Variants in SRPK1 observed in about 807,000 individuals in gnomAD.
SRPK1 encodes SRSF protein kinase 1.
Under a neutral mutation model 89.5 loss-of-function variants are expected in SRPK1, and 52 were observed. The observed-to-expected ratio is 0.58, with a 90% CI of 0.46 to 0.73. SRPK1 has a LOEUF of 0.73. Ranked by LOEUF, SRPK1 falls within the 30% of genes least tolerant of loss-of-function variation. SRPK1 has a pLI of 0.00. For synonymous variants in SRPK1, 255 were observed against 270.2 expected (o/e 0.94, Z 0.55); for missense variants, 603 against 780.6 (o/e 0.77, Z 2.71).
chr6:35,915,991 A>AAAAAAT lies in SRPK1; in HGVS notation c.74+4476_74+4477insATTTTT, dbSNP rs1433969114. Among the ~76,000 whole-genome samples, 91 of 86,276 alleles carry AAAAAAT rather than the reference A, an allele frequency of 1.1e-3. 7 individuals are homozygous for AAAAAAT. Among genetic ancestry groups the AAAAAAT allele is most frequent in the African/African-American group, 2.5e-3 (39 of 15,738 alleles). 56.6% of individuals were successfully genotyped at this position (86,276 alleles called of 152,430 possible). A position where few individuals can be genotyped will look rare whatever the true frequency, so the allele number is the denominator to read the frequency against. On this transcript the variant is annotated intron_variant, in intron 2 of 15. Transcript: ENST00000373825. The stretch of plus-strand genomic sequence containing the variant: ...TGTCTCAAAAACAAAAAAAAAAAAA[A>AAAAAAT]ATATATACACACACACACACACACA...
At position 35,874,316 on chromosome 6, in the gene SRPK1, A is replaced by G. The variant is rs781674813; in HGVS notation, c.502T>C (p.Leu168=). 2.2e-5 allele frequency: 35 copies of G among 1,613,076 alleles called. No individual in the cohort carries two copies. The Admixed American group carries it at 4.0e-4, about 18-fold the overall frequency. ...ATCCACTTGAGCAGATGATGCCCCA[A>G]AACTTCAAATACCATGCAGATATCT... The part of the protein sequence containing the change: ...GTHICMVFEV[L]GHHLLKWIIK... Residue 168 remains leucine (L), a synonymous_variant, in exon 7 of 16, where the codon TTG becomes CTG. Transcript: ENST00000373825.
rs1242190894 is a variant in SRPK1 at position 35,834,450 on chromosome 6, T to C, written c.*854A>G. ...TTCTACCATCATCCTGATCCTTTAGTTATGGGGCAATAAACTCAAGTGCAA... is the reference window on the plus strand; with the variant it reads ...TTCTACCATCATCCTGATCCTTTAGCTATGGGGCAATAAACTCAAGTGCAA... On this transcript the variant is annotated 3_prime_UTR_variant, in exon 16 of 16. Coordinates refer to ENST00000373825, the MANE Select transcript of SRPK1 (RefSeq NM_003137.5). The C allele has an allele frequency of 6.6e-6, 1 of 152,178 alleles. No homozygotes were observed. The highest frequency in any genetic ancestry group is 1.5e-5 in the Non-Finnish European group (1 of 68,038). The allele number at this position is 152,178 out of a possible 1,614,324, so 9.4% of individuals were successfully genotyped here.
At chr6:35,912,682 G>A (rs1055139133) in intron 2 of SRPK1, among the ~76,000 whole-genome samples, 1 of 152,126 alleles carries the variant, frequency 6.6e-6, no homozygotes, top group African/African-American at 2.4e-5. Flanking sequence ...TGATAGAGAG[G>A]ATTTGGAGAG....
At chr6:35,916,586 A>C (rs1771108442) in intron 2 of SRPK1, among the ~76,000 whole-genome samples, 1 of 152,010 alleles carries the variant, frequency 6.6e-6, no homozygotes, top group Non-Finnish European at 1.5e-5. Flanking sequence ...CTCCCAAATG[A>C]CTCCACAAAT....
Position 35,913,969 on chromosome 6 carries a change from C to CTTTTTTTTTTTTTTT in SRPK1, c.74+6484_74+6498dup, listed in dbSNP as rs545555860. Reference sequence around the variant, plus strand: ...TGCCGCACAACAAAGGATACTTTCTCTTTTTTTTTTTTTTTTTTTTTTTGA... The same window carrying CTTTTTTTTTTTTTTT: ...TGCCGCACAACAAAGGATACTTTCTCTTTTTTTTTTTTTTTTTTTTTTTTTTTTTTTTTTTTTTGA... On this transcript the variant is annotated intron_variant, in intron 2 of 15. Transcript: ENST00000373825. Among the ~76,000 whole-genome samples, 2 of 92,940 alleles carry CTTTTTTTTTTTTTTT rather than the reference C, an allele frequency of 2.2e-5. 1 individual carries two copies. Among genetic ancestry groups the CTTTTTTTTTTTTTTT allele is most frequent in the Non-Finnish European group, 4.2e-5 (2 of 48,106 alleles). 61.0% of individuals were successfully genotyped at this position (92,940 alleles called of 152,430 possible). A position where few individuals can be genotyped will look rare whatever the true frequency, so the allele number is the denominator to read the frequency against.
rs1305053203 is a variant in SRPK1 at position 35,835,128 on chromosome 6, G to A, written c.*176C>T. ...TTCACCTAGGATGCCCAATGGCTGT[G>A]GGGATCTCCACAGGGTCAAGTAAGC... On this transcript the variant is annotated 3_prime_UTR_variant, in exon 16 of 16. Coordinates refer to ENST00000373825, the MANE Select transcript of SRPK1 (RefSeq NM_003137.5). 2.0e-5 allele frequency: 11 copies of A among 559,692 alleles called. No individual in the cohort carries two copies. The highest frequency in any genetic ancestry group is 3.3e-5 in the Admixed American group (1 of 30,376). 34.7% of individuals were successfully genotyped at this position (559,692 alleles called of 1,614,324 possible).
chr6:35,915,299 C>T (rs772142275), intron 2 of SRPK1, among the ~76,000 whole-genome samples: 4 of 149,022 alleles, frequency 2.7e-5, no homozygotes, highest in Admixed American at 6.8e-5. Flanking sequence ...CCCGGCTACT[C>T]GGGAGGCTGA....
chr6:35,912,054 C>A (rs1770980554), intron 2 of SRPK1, among the ~76,000 whole-genome samples: 1 of 152,114 alleles, frequency 6.6e-6, no homozygotes, highest in Non-Finnish European at 1.5e-5. Context: ...AAGACCATAG[C>A]TGGGTGCAGT....
At chr6:35,836,245 C>A (rs1389966594) in intron 15 of SRPK1, among the ~76,000 whole-genome samples, 1 of 152,032 alleles carries the variant, frequency 6.6e-6, no homozygotes, top group Non-Finnish European at 1.5e-5. Flanking sequence ...AACCTAATGC[C>A]TGACAATCTG....
chr6:35,914,417 C>T (rs1771045286), intron 2 of SRPK1, among the ~76,000 whole-genome samples: 1 of 152,114 alleles, frequency 6.6e-6, no homozygotes, highest in Non-Finnish European at 1.5e-5. Context: ...GTAATATTAC[C>T]TAGTTCTGGT....
chr6:35,866,215 T>A (rs1769899732), intron 12 of SRPK1, among the ~76,000 whole-genome samples: 1 of 151,836 alleles, frequency 6.6e-6, no homozygotes. Context: ...AATAATAACA[T>A]GTTGGAGAGG....
chr6:35,907,267 G>T (rs143543029), intron 2 of SRPK1, among the ~76,000 whole-genome samples: 14 of 152,150 alleles, frequency 9.2e-5, no homozygotes, highest in Admixed American at 8.5e-4. Context: ...AGAAAATTAG[G>T]AAAATTTGAA....
chr6:35,877,842 CAA>C (rs61242263), intron 6 of SRPK1, among the ~76,000 whole-genome samples: 47 of 126,536 alleles, frequency 3.7e-4, no homozygotes, highest in East Asian at 7.4e-4. Flanking sequence ...GACTCCGTCT[CAA>C]AAAAAAAAAA....
chr6:35,843,848 A>AAAGCCTG (rs767451190), intron 13 of SRPK1, among the ~76,000 whole-genome samples: 9 of 152,192 alleles, frequency 5.9e-5, no homozygotes, highest in Non-Finnish European at 1.3e-4. Flanking sequence ...TAGGAAAAGA[A>AAAGCCTG]AAGCCTGTCT....
intron 14 of SRPK1, among the ~76,000 whole-genome samples, chr6:35,839,665 AG>A (rs1769260905): frequency 2.0e-5 from 3 of 148,918 alleles, no homozygotes; most frequent in Admixed American, 6.7e-5. Context: ...TGCAGGTGAC[AG>A]AAGTTAAGAA....
chr6:35,894,508 T>C lies in SRPK1; in HGVS notation c.75-3495A>G, dbSNP rs1032227365. Among the ~76,000 whole-genome samples the C allele has an allele frequency of 3.3e-5, 5 of 152,182 alleles. No individual in the cohort carries two copies. In the East Asian group the frequency reaches 5.8e-4, roughly 18 times the overall value. ...ATAGAGTTGCAGAAAGAGAAACTTA[T>C]GAAAATAGAAGAGATAAAATTATTA... On this transcript the variant is annotated intron_variant, in intron 2 of 15. Transcript: ENST00000373825.
At chr6:35,883,005 C>T (rs1424452226) in intron 6 of SRPK1, among the ~76,000 whole-genome samples, 2 of 152,124 alleles carry the variant, frequency 1.3e-5, no homozygotes, top group African/African-American at 4.8e-5. Context: ...GATGGGGTTT[C>T]GCCATGTTGG....
intron 13 of SRPK1, among the ~76,000 whole-genome samples, chr6:35,852,398 G>A (rs1207122302): frequency 6.6e-6 from 1 of 152,114 alleles, no homozygotes; most frequent in African/African-American, 2.4e-5. Flanking sequence ...TTTGGTGTTT[G>A]TATTACCTCT....
chr6:35,919,112 G>A, intron 2 of SRPK1, among the ~76,000 whole-genome samples: 1 of 152,180 alleles, frequency 6.6e-6, no homozygotes, highest in East Asian at 1.9e-4. Context: ...TTAGCACCTT[G>A]CTGTTTCTAT....
Sources: allele counts gnomAD v4.1 joint callset (sites outside exome capture counted in the v4.1 genomes callset), GRCh38; gene constraint gnomAD v4.1.1; transcripts MANE v1.5; gene names NCBI Gene and HGNC (gene_info 2026-07-23, HGNC 2026-07-21).